Variants in CPNE9 observed in about 807,000 individuals in gnomAD.
CPNE9 encodes copine family member 9, also known as copine-9.
A neutral mutation model predicts 83.0 loss-of-function variants in CPNE9; 59 were observed. The observed-to-expected ratio is 0.71, with a 90% confidence interval of 0.58 to 0.88. CPNE9 has a LOEUF of 0.88. Among genes scored for constraint, CPNE9 ranks in the 40% least tolerant of loss-of-function variants. The pLI, the probability that CPNE9 is intolerant of heterozygous loss-of-function variation, is 0.00. For missense variants in CPNE9, 619 were observed against 720.8 expected, an observed-to-expected ratio of 0.86 and a Z score of 1.62; for synonymous variants, 256 against 273.4, an observed-to-expected ratio of 0.94 and a Z score of 0.63.
At position 9,704,834 on chromosome 3, in the gene CPNE9, C is replaced by T. The variant is rs780495348; in HGVS notation, c.156+39C>T. 6.2e-7 allele frequency: 1 copy of T among 1,601,176 alleles called. No homozygotes were observed. The highest frequency in any genetic ancestry group is 8.5e-7 in the Non-Finnish European group (1 of 1,173,200). The stretch of plus-strand genomic sequence containing the variant: ...CCCCCTCCCGGCCCAGGGCGTCGCC[C>T]GGGAATTCCCCTGCCCGTCTGCACG... On this transcript the variant is annotated intron_variant, in intron 3 of 20. Coordinates refer to ENST00000383832, the MANE Select transcript of CPNE9 (RefSeq NM_153635.3). This position sits in a 1 kb window ranked among gnomAD's most constrained non-coding sequence, Gnocchi z 7.1.
chr3:9,710,064 C>A (rs568997169), intron 7 of CPNE9, among the ~76,000 whole-genome samples: 22 of 151,804 alleles, frequency 1.4e-4, no homozygotes, highest in African/African-American at 5.1e-4. Flanking sequence ...TAGTGTAATC[C>A]CAGCTACTCT....
At chr3:9,717,960 C>G (rs1337053564) in intron 15 of CPNE9, 69 bp from the exon 16 acceptor site, 2 of 1,375,784 alleles carry the variant, frequency 1.5e-6, no homozygotes, top group Non-Finnish European at 1.0e-6. Flanking sequence ...TGAATGCACA[C>G]AAAGATAAGC....
chr3:9,725,698 G>GTATATATGTATATATATGTA (rs1489780475), intron 17 of CPNE9, among the ~76,000 whole-genome samples: 13,492 of 105,008 alleles, frequency 0.13, 1,565 homozygotes, highest in African/African-American at 0.36. Flanking sequence ...ACATATATGT[G>GTATATATGTATATATATGTA]TATATATGTG....
chr3:9,718,239 G>A (rs369187360), intron 16 of CPNE9, 29 bp downstream of exon 16: 54 of 1,569,840 alleles, frequency 3.4e-5, no homozygotes, highest in African/African-American at 5.4e-5. Context: ...CTTACCCTCC[G>A]TGCCCTGGCA....
intron 20 of CPNE9, among the ~76,000 whole-genome samples, chr3:9,729,134 A>G (rs958380405): frequency 2.6e-5 from 4 of 152,222 alleles, no homozygotes; most frequent in African/African-American, 9.6e-5. Flanking sequence ...AGAGTGTGGT[A>G]TCAAGAGTGG....
At chr3:9,718,715 G>A in intron 17 of CPNE9, 113 bp downstream of exon 17, 1 of 1,317,588 alleles carries the variant, frequency 7.6e-7, no homozygotes, top group Non-Finnish European at 1.0e-6. Context: ...AAGTAAACAG[G>A]AGAGGCCAGG....
intron 4 of CPNE9, among the ~76,000 whole-genome samples, chr3:9,705,233 C>T (rs1002148261): frequency 3.3e-5 from 5 of 152,148 alleles, no homozygotes; most frequent in Non-Finnish European, 7.3e-5. Context: ...CAGGCCCGAC[C>T]CCTTCCACAC....
intron 17 of CPNE9, among the ~76,000 whole-genome samples, chr3:9,722,845 G>A (rs115441005): frequency 0.023 from 3,424 of 152,086 alleles, 65 homozygotes; most frequent in African/African-American, 0.059. Context: ...GTAACTCCTC[G>A]TGGTTTGCAC....
chr3:9,707,630 C>A (rs576095879), intron 7 of CPNE9, among the ~76,000 whole-genome samples: 2 of 149,390 alleles, frequency 1.3e-5, no homozygotes, highest in Non-Finnish European at 3.0e-5. Flanking sequence ...GGGAAAAAAA[C>A]AAAGGAAAGC....
At position 9,717,972 on chromosome 3, in the gene CPNE9, G is replaced by T; in HGVS notation, c.932-57G>T. Reference sequence around the variant, plus strand: ...GGATGAATGCACACAAAGATAAGCAGGTGAACAGATGGATGATCCAGATGA... The same window carrying T: ...GGATGAATGCACACAAAGATAAGCATGTGAACAGATGGATGATCCAGATGA... On this transcript the variant is annotated intron_variant, in intron 15 of 20. Transcript: ENST00000383832. The T allele has an allele frequency of 2.7e-6, 4 of 1,466,210 alleles. No homozygotes were observed. The East Asian group carries it at 9.2e-5, about 34-fold the overall frequency. The allele number at this position is 1,466,210 out of a possible 1,614,324, so 90.8% of individuals were successfully genotyped here.
chr3:9,725,497 T>C (rs1469023838), intron 17 of CPNE9, among the ~76,000 whole-genome samples: 3 of 151,824 alleles, frequency 2.0e-5, no homozygotes, highest in African/African-American at 7.3e-5. Context: ...ATCACACCAC[T>C]GCACTCCAGC....
chr3:9,717,004 G>A, intron 14 of CPNE9, 54 bp from the exon 15 acceptor site: 2 of 1,561,928 alleles, frequency 1.3e-6, no homozygotes, highest in Non-Finnish European at 1.8e-6. Flanking sequence ...TTGAGAAATA[G>A]TGATGTAATA....
intron 13 of CPNE9, 30 bp downstream of exon 13, chr3:9,715,556 C>G (rs2076674990): frequency 6.3e-7 from 1 of 1,588,432 alleles, no homozygotes; most frequent in Non-Finnish European, 8.6e-7. Flanking sequence ...GTGGCCCTCC[C>G]TGGATCCTTC....
At chr3:9,705,269 T>C (rs898827372) in intron 4 of CPNE9, among the ~76,000 whole-genome samples, 195 bp from the exon 5 acceptor site, 1 of 151,196 alleles carries the variant, frequency 6.6e-6, no homozygotes, top group Non-Finnish European at 1.5e-5. Context: ...AGCCCCTGAC[T>C]TGGCCTCGGC....
At chr3:9,720,406 C>G (rs2076724226) in intron 17 of CPNE9, among the ~76,000 whole-genome samples, 1 of 150,722 alleles carries the variant, frequency 6.6e-6, no homozygotes, top group Admixed American at 6.6e-5. Flanking sequence ...TTCAGGGGTA[C>G]ATGTGCAGGT....
intron 20 of CPNE9, among the ~76,000 whole-genome samples, chr3:9,728,982 C>A (rs923495690): frequency 3.3e-5 from 5 of 152,034 alleles, no homozygotes; most frequent in African/African-American, 1.2e-4. Context: ...TTCCAGGGAA[C>A]AATTTTTAAA....
At chr3:9,727,591 C>T in intron 20 of CPNE9, 1 of 596,870 alleles carries the variant, frequency 1.7e-6, no homozygotes. Context: ...ATAAGCATTA[C>T]AGGGAGAGGA....
rs371438166 is a variant in CPNE9, at chr3:9,704,480, A to C, written c.69-107A>C. 8 of 936,710 alleles carry C rather than the reference A, an allele frequency of 8.5e-6. No individual in the cohort carries two copies. The highest frequency in any genetic ancestry group is 1.6e-5 in the African/African-American group (1 of 61,904). 58.0% of individuals were successfully genotyped at this position (936,710 alleles called of 1,614,324 possible). A position where few individuals can be genotyped will look rare whatever the true frequency, so the allele number is the denominator to read the frequency against. On this transcript the variant is annotated intron_variant, in intron 1 of 20. Coordinates refer to ENST00000383832, the MANE Select transcript of CPNE9 (RefSeq NM_153635.3). This position sits in a 1 kb window ranked among gnomAD's most constrained non-coding sequence, Gnocchi z 7.1. ...GGCTGGGGGTAGCCATGGGGGACAGAGGTTCGATGCGGGCCCCATGCCTCT... is the reference window on the plus strand; with the variant it reads ...GGCTGGGGGTAGCCATGGGGGACAGCGGTTCGATGCGGGCCCCATGCCTCT...
intron 17 of CPNE9, among the ~76,000 whole-genome samples, chr3:9,725,684 A>G (rs6777517): frequency 0.071 from 4,243 of 59,802 alleles, 135 homozygotes; most frequent in East Asian, 0.29. Flanking sequence ...GTGTATATAT[A>G]TATACATATA....
Sources: allele counts gnomAD v4.1 joint callset (sites outside exome capture counted in the v4.1 genomes callset), GRCh38; gene constraint gnomAD v4.1.1; non-coding constraint Gnocchi (gnomAD v3.1); transcripts MANE v1.5; gene names NCBI Gene and HGNC (gene_info 2026-07-23, HGNC 2026-07-21).